Variants in SUSD1 observed in about 807,000 individuals in gnomAD.
SUSD1 encodes the protein sushi domain-containing protein 1.
Under a neutral mutation model 86.9 loss-of-function variants are expected in SUSD1, and 65 were observed. The observed-to-expected ratio is 0.75, with a 90% CI of 0.61 to 0.92. The LOEUF (loss-of-function observed/expected upper bound fraction) is 0.92. Ranked by LOEUF, SUSD1 falls within the 40% of genes least tolerant of loss-of-function variation. The pLI is 0.00. For synonymous variants in SUSD1, 346 were observed against 350.0 expected (o/e 0.99, Z 0.13); for missense variants, 850 against 929.7 (o/e 0.91, Z 1.11).
chr9:112,061,061 T>C (rs944878270), intron 13 of SUSD1, among the ~76,000 whole-genome samples: 2 of 152,166 alleles, frequency 1.3e-5, no homozygotes, highest in Admixed American at 6.5e-5. Context: ...TAGGAGTAGA[T>C]TCTGGGAATC....
intron 7 of SUSD1, chr9:112,112,233 C>A (rs763824854): frequency 1.2e-4 from 23 of 187,936 alleles, no homozygotes; most frequent in Middle Eastern, 2.3e-3. Context: ...CACACATGCA[C>A]CCTGCTGAAT....
intron 15 of SUSD1, among the ~76,000 whole-genome samples, chr9:112,048,142 C>G (rs564779850): frequency 6.6e-6 from 1 of 152,174 alleles, no homozygotes; most frequent in Admixed American, 6.5e-5. Context: ...CTTCCCCTAT[C>G]TCTGACCTCT....
intron 1 of SUSD1, among the ~76,000 whole-genome samples, chr9:112,167,770 C>T (rs895613788): frequency 2.6e-5 from 4 of 152,168 alleles, no homozygotes; most frequent in African/African-American, 9.7e-5. Context: ...ATTAGTCTTT[C>T]TTCATGCTGC....
intron 10 of SUSD1, among the ~76,000 whole-genome samples, chr9:112,097,695 G>A (rs984220769): frequency 3.3e-5 from 5 of 151,956 alleles, no homozygotes; most frequent in Admixed American, 6.6e-5. Context: ...CACCGCACCC[G>A]GCCCAGAGTC....
intron 16 of SUSD1, 51 bp downstream of exon 16, chr9:112,041,816 C>A: frequency 1.3e-6 from 2 of 1,557,962 alleles, no homozygotes; most frequent in South Asian, 1.2e-5. Flanking sequence ...TGACTCTGAC[C>A]CATCCTCCCC....
chr9:112,109,598 T>C (rs1156772114), intron 8 of SUSD1, among the ~76,000 whole-genome samples: 7 of 152,072 alleles, frequency 4.6e-5, no homozygotes, highest in Non-Finnish European at 1.0e-4. Flanking sequence ...CAATACAGAG[T>C]TAAGATGCAA....
At chr9:112,097,217 T>C (rs1830433015) in intron 10 of SUSD1, among the ~76,000 whole-genome samples, 1 of 151,170 alleles carries the variant, frequency 6.6e-6, no homozygotes, top group Non-Finnish European at 1.5e-5. Context: ...TCCCAGCTAC[T>C]CAAGAGGCTG....
At chr9:112,066,600 G>A (rs968677047) in intron 12 of SUSD1, among the ~76,000 whole-genome samples, 3 of 152,144 alleles carry the variant, frequency 2.0e-5, no homozygotes, top group Middle Eastern at 3.2e-3. Flanking sequence ...CTGTAATCGC[G>A]AAACTCCCAA....
intron 1 of SUSD1, among the ~76,000 whole-genome samples, chr9:112,162,094 C>G (rs905815128): frequency 6.6e-6 from 1 of 151,952 alleles, no homozygotes; most frequent in Non-Finnish European, 1.5e-5. Flanking sequence ...AATAAAACAC[C>G]CCCATGTTTA....
At chr9:112,065,558 G>A (rs1409610604) in intron 12 of SUSD1, among the ~76,000 whole-genome samples, 1 of 152,074 alleles carries the variant, frequency 6.6e-6, no homozygotes, top group Non-Finnish European at 1.5e-5. Flanking sequence ...AATCCCCAAA[G>A]ATTTTACAAA....
chr9:112,166,270 G>A (rs1833824617), intron 1 of SUSD1, among the ~76,000 whole-genome samples: 1 of 152,176 alleles, frequency 6.6e-6, no homozygotes, highest in African/African-American at 2.4e-5. Flanking sequence ...GCTCAGTTAA[G>A]AATCACCTGG....
chr9:112,094,660 A>G (rs1033919325), intron 10 of SUSD1, among the ~76,000 whole-genome samples: 14 of 152,252 alleles, frequency 9.2e-5, no homozygotes, highest in Admixed American at 6.5e-5. Context: ...AAACGATAAG[A>G]TTAGGAGGAA....
At chr9:112,097,490 C>T (rs770756032) in intron 10 of SUSD1, among the ~76,000 whole-genome samples, 3 of 150,402 alleles carry the variant, frequency 2.0e-5, no homozygotes, top group Non-Finnish European at 4.4e-5. Flanking sequence ...CCTCTGCCTC[C>T]CGGGTTCAGT....
At position 112,073,035 on chromosome 9, in the gene SUSD1, G is replaced by A. The variant is rs186493672; in HGVS notation, c.1753+5503C>T. 1.4e-3 allele frequency among the ~76,000 whole-genome samples: 214 copies of A among 152,266 alleles called. 2 individuals carry two copies. Among genetic ancestry groups the A allele is most frequent in the South Asian group, 8.3e-3 (40 of 4,824 alleles). On this transcript the variant is annotated intron_variant, in intron 12 of 16. Coordinates refer to ENST00000374270, the MANE Select transcript of SUSD1 (RefSeq NM_022486.5). ...TAACCAACCATGAAAGAGAAGCCTC[G>A]GTAAAAGAAACCAAGAGACCTAGTC...
rs1162343449 is a variant in SUSD1, at chr9:112,078,578, C to T, written c.1713G>A (p.Ser571=). The change falls in exon 12 of 17, where the codon TCG becomes TCA. Residue 571 remains serine (S), a synonymous_variant. Coordinates refer to ENST00000374270, the MANE Select transcript of SUSD1 (RefSeq NM_022486.5). ...NYNVSLRALS[S]ELPVVISLTT... is the part of the protein sequence containing the mutation. ...TCAGGGAGATGACCACAGGAAGTTC[C>T]GAAGACAGAGCCCGGAGACTGACAT... The T allele has an allele frequency of 2.5e-6, 4 of 1,613,524 alleles. No individual in the cohort carries two copies. The highest frequency in any genetic ancestry group is 1.6e-4 in the Middle Eastern group (1 of 6,080).
chr9:112,154,921 C>T (rs1043339372), intron 2 of SUSD1, among the ~76,000 whole-genome samples: 6 of 152,054 alleles, frequency 3.9e-5, no homozygotes, highest in African/African-American at 1.4e-4. Flanking sequence ...TAATAAAGCC[C>T]TTTCTGCCCA....
intron 1 of SUSD1, among the ~76,000 whole-genome samples, chr9:112,170,414 C>T (rs990348762): frequency 4.6e-5 from 7 of 152,020 alleles, no homozygotes; most frequent in African/African-American, 1.4e-4. Context: ...ACTCTAGCAA[C>T]GAATGCCAGA....
chr9:112,118,089 T>C (rs1284929942), intron 6 of SUSD1, among the ~76,000 whole-genome samples: 3 of 152,226 alleles, frequency 2.0e-5, no homozygotes, highest in Non-Finnish European at 4.4e-5. Flanking sequence ...TTTTTCTTTA[T>C]TTTTGGAAAC....
intron 2 of SUSD1, among the ~76,000 whole-genome samples, chr9:112,156,173 A>C (rs975606855): frequency 6.6e-6 from 1 of 151,536 alleles, no homozygotes; most frequent in Non-Finnish European, 1.5e-5. Flanking sequence ...AAAAAAAAAA[A>C]AACTCACTGG....
Sources: gnomAD v4.1 joint callset for allele counts (sites outside exome capture counted in the v4.1 genomes callset) on GRCh38, gnomAD v4.1.1 for gene constraint, MANE v1.5 for transcripts, NCBI Gene and HGNC (gene_info 2026-07-23, HGNC 2026-07-21) for gene names.